RBFOX3: variants seen among roughly 807,000 people sequenced by gnomAD.
RBFOX3 encodes the protein RNA binding protein fox-1 homolog 3.
A neutral mutation model predicts 48.7 loss-of-function variants in RBFOX3; 17 were observed. That is an observed-to-expected ratio of 0.35 (90% confidence interval 0.24 to 0.52). The LOEUF (loss-of-function observed/expected upper bound fraction) is 0.52, where lower values mean the gene tolerates loss of function less well. Ranked by LOEUF, RBFOX3 falls within the 20% of genes least tolerant of loss-of-function variation. The probability of loss-of-function intolerance (pLI) is 0.94; values close to 1 mark genes in which losing one functional copy is unlikely to be tolerated. For synonymous variants in RBFOX3, 212 were observed against 209.5 expected, an observed-to-expected ratio of 1.01 and a Z score of -0.10; for missense variants, 382 against 497.5, an observed-to-expected ratio of 0.77 and a Z score of 2.21.
intron 4 of RBFOX3, among the ~76,000 whole-genome samples, chr17:79,224,575 C>T (rs1211894905): frequency 6.6e-6 from 1 of 152,214 alleles, no homozygotes; most frequent in Non-Finnish European, 1.5e-5. Context: ...GGTGGCCCTG[C>T]GGCCCAGGGA....
intron 4 of RBFOX3, among the ~76,000 whole-genome samples, chr17:79,169,872 G>A (rs779427627): frequency 6.6e-6 from 1 of 152,060 alleles, no homozygotes; most frequent in South Asian, 2.1e-4. Context: ...GTTACGATAC[G>A]TAAAGCCCAC....
At chr17:79,313,899 CA>C (rs767088161) in intron 2 of RBFOX3, among the ~76,000 whole-genome samples, 1 of 152,186 alleles carries the variant, frequency 6.6e-6, no homozygotes, top group Non-Finnish European at 1.5e-5. Flanking sequence ...GGGGCTGCAC[CA>C]AATACCTTCA....
intron 3 of RBFOX3, among the ~76,000 whole-genome samples, chr17:79,293,977 A>G (rs1300123454): frequency 6.6e-6 from 1 of 152,220 alleles, no homozygotes; most frequent in East Asian, 1.9e-4. Flanking sequence ...CATGGGGTCA[A>G]CTAGGGCAGG....
intron 2 of RBFOX3, among the ~76,000 whole-genome samples, chr17:79,444,018 A>G (rs151303960): frequency 1.3e-5 from 2 of 152,290 alleles, no homozygotes; most frequent in African/African-American, 4.8e-5. Flanking sequence ...GGCAGGAAGC[A>G]AAGTCAAAGC....
At chr17:79,565,218 T>A (rs960541482) in intron 1 of RBFOX3, among the ~76,000 whole-genome samples, 10 of 152,312 alleles carry the variant, frequency 6.6e-5, no homozygotes, top group Admixed American at 1.3e-4. Flanking sequence ...AAGGTAAGGT[T>A]ATGATTGATT....
At chr17:79,211,805 C>T (rs1404226338) in intron 4 of RBFOX3, among the ~76,000 whole-genome samples, 1 of 152,222 alleles carries the variant, frequency 6.6e-6, no homozygotes, top group Non-Finnish European at 1.5e-5. Flanking sequence ...TAACTCTCCT[C>T]AAAGCAACCA....
At chr17:79,277,603 C>T (rs1302734904) in intron 3 of RBFOX3, among the ~76,000 whole-genome samples, 2 of 152,232 alleles carry the variant, frequency 1.3e-5, no homozygotes, top group Admixed American at 1.3e-4. Flanking sequence ...GGCCTCTGCC[C>T]AAACCTCCCC....
chr17:79,424,370 C>T (rs782790904), intron 2 of RBFOX3, among the ~76,000 whole-genome samples: 1 of 152,166 alleles, frequency 6.6e-6, no homozygotes, highest in Non-Finnish European at 1.5e-5. Context: ...CCCCTGCCCC[C>T]AGAAGTGAAG....
intron 1 of RBFOX3, among the ~76,000 whole-genome samples, chr17:79,502,739 A>C (rs1156908120): frequency 1.3e-5 from 2 of 151,836 alleles, no homozygotes; most frequent in Non-Finnish European, 2.9e-5. Flanking sequence ...ACCACGACTC[A>C]CTCATGCCGT....
chr17:79,150,067 T>TGGGGGG (rs1171838604), intron 4 of RBFOX3, among the ~76,000 whole-genome samples: 1 of 4,164 alleles, frequency 2.4e-4, no homozygotes, highest in African/African-American at 1.0e-3. Context: ...GGGTTGAGGG[T>TGGGGGG]GGGGGTTTGG....
chr17:79,205,996 C>T lies in RBFOX3; in HGVS notation c.-34+29770G>A, dbSNP rs901831802. Among the ~76,000 whole-genome samples, 6 of 152,128 alleles carry T rather than the reference C, an allele frequency of 3.9e-5. No homozygotes were observed. The highest frequency in any genetic ancestry group is 1.2e-4 in the African/African-American group (5 of 41,412). ...GTTGTGACATTCCAGAGAATATGCTCATCCGATACACTGAGGAAATCAGGC... is the reference window on the plus strand; with the variant it reads ...GTTGTGACATTCCAGAGAATATGCTTATCCGATACACTGAGGAAATCAGGC... On this transcript the variant is annotated intron_variant, in intron 4 of 14. Transcript: ENST00000693108. The surrounding 1 kb of genome is among the most constrained non-coding windows in gnomAD (Gnocchi z 4.5).
At chr17:79,413,520 C>T (rs1441123978) in intron 2 of RBFOX3, among the ~76,000 whole-genome samples, 1 of 152,246 alleles carries the variant, frequency 6.6e-6, no homozygotes, top group Non-Finnish European at 1.5e-5. Flanking sequence ...ACCCAGGAGG[C>T]TCAGGCCGTG....
At chr17:79,138,050 C>T (rs1482145968) in intron 4 of RBFOX3, among the ~76,000 whole-genome samples, 7 of 152,210 alleles carry the variant, frequency 4.6e-5, no homozygotes, top group South Asian at 4.1e-4. Flanking sequence ...CTCCGTCACA[C>T]GCCAGGCACA....
At chr17:79,109,578 G>A (rs1257244801) in intron 5 of RBFOX3, among the ~76,000 whole-genome samples, 3 of 152,220 alleles carry the variant, frequency 2.0e-5, no homozygotes, top group African/African-American at 4.8e-5. Context: ...AGGCGAGACC[G>A]TCCAAACATC....
At chr17:79,101,753 C>T in intron 8 of RBFOX3, 109 bp from the exon 9 acceptor site, 3 of 959,746 alleles carry the variant, frequency 3.1e-6, no homozygotes, top group Non-Finnish European at 3.3e-6. Flanking sequence ...CCCCCCGCCC[C>T]AGCCTCCTCT....
intron 4 of RBFOX3, among the ~76,000 whole-genome samples, chr17:79,190,067 C>G (rs1427530206): frequency 1.3e-5 from 2 of 152,262 alleles, no homozygotes; most frequent in Non-Finnish European, 2.9e-5. Flanking sequence ...CCTTCAGCAT[C>G]AGGGTCAACT....
In RBFOX3 at chr17:79,090,777, T is replaced by TG. The variant is rs1555680319; in HGVS notation, c.*105_*106insC. The TG allele has an allele frequency of 1.5e-6, 2 of 1,362,932 alleles. No individual in the cohort carries two copies. The highest frequency in any genetic ancestry group is 1.5e-5 in the African/African-American group (1 of 67,558). 84.4% of individuals were successfully genotyped at this position (1,362,932 alleles called of 1,614,324 possible). ...GCCTCTTGGTTTGGTTGGTTTTTTTTTTGTTGCTTGGATCTTAACATCTTT... is the reference window on the plus strand; with the variant it reads ...GCCTCTTGGTTTGGTTGGTTTTTTTTGTTGTTGCTTGGATCTTAACATCTTT... On this transcript the variant is annotated 3_prime_UTR_variant, in exon 15 of 15. Coordinates refer to ENST00000693108, the MANE Select transcript of RBFOX3 (RefSeq NM_001350451.2).
At chr17:79,265,410 C>A (rs2066530527) in intron 3 of RBFOX3, among the ~76,000 whole-genome samples, 1 of 152,190 alleles carries the variant, frequency 6.6e-6, no homozygotes, top group African/African-American at 2.4e-5. Flanking sequence ...CTCTCTCTTG[C>A]TTTTTCCTTT....
At chr17:79,427,173 CG>C (rs1172185562) in intron 2 of RBFOX3, among the ~76,000 whole-genome samples, 3 of 152,146 alleles carry the variant, frequency 2.0e-5, no homozygotes, top group Non-Finnish European at 4.4e-5. Context: ...GAGATGCGGA[CG>C]GGGGGCCCCT....
Sources: gnomAD v4.1 joint callset for allele counts (sites outside exome capture counted in the v4.1 genomes callset) on GRCh38, gnomAD v4.1.1 for gene constraint, Gnocchi (gnomAD v3.1) non-coding constraint, MANE v1.5 for transcripts, NCBI Gene and HGNC (gene_info 2026-07-23, HGNC 2026-07-21) for gene names.